WWTR1: variants seen among roughly 807,000 people sequenced by gnomAD.
WWTR1 encodes the protein WW domain containing transcription regulator 1, also known as WW domain-containing transcription regulator protein 1.
WWTR1 carries 13 observed loss-of-function variants against 40.1 expected under a neutral mutation model. The observed-to-expected ratio is 0.32, with a 90% CI of 0.21 to 0.52. The LOEUF (loss-of-function observed/expected upper bound fraction) is 0.52. Ranked by LOEUF, WWTR1 falls within the 20% of genes least tolerant of loss-of-function variation. WWTR1 has a pLI of 0.97. For missense variants in WWTR1, 436 were observed against 523.1 expected (o/e 0.83, Z 1.63); for synonymous variants, 230 against 210.1 (o/e 1.09, Z -0.82).
chr3:149,645,315 G>A (rs1046102873), intron 2 of WWTR1, among the ~76,000 whole-genome samples: 83 of 152,004 alleles, frequency 5.5e-4, no homozygotes, highest in African/African-American at 1.7e-3. Flanking sequence ...TCCTGACCTC[G>A]TGATCTGCCC....
intron 1 of WWTR1, among the ~76,000 whole-genome samples, chr3:149,679,004 T>C (rs1714367164): frequency 6.6e-6 from 1 of 152,086 alleles, no homozygotes; most frequent in Non-Finnish European, 1.5e-5. Flanking sequence ...TAATTTTTTG[T>C]ATTTTTAGTA....
At chr3:149,602,018 A>T (rs112263701) in intron 2 of WWTR1, among the ~76,000 whole-genome samples, 70 of 152,196 alleles carry the variant, frequency 4.6e-4, no homozygotes, top group African/African-American at 1.6e-3. Context: ...CAGATTTTAA[A>T]CTCCTTTTGA....
chr3:149,681,786 T>C (rs1195495949), intron 1 of WWTR1, among the ~76,000 whole-genome samples: 2 of 152,160 alleles, frequency 1.3e-5, no homozygotes, highest in Admixed American at 6.5e-5. Context: ...AGATGAAACT[T>C]AAGGACATTA....
chr3:149,586,418 G>A (rs1738429132), intron 2 of WWTR1, among the ~76,000 whole-genome samples: 1 of 152,146 alleles, frequency 6.6e-6, no homozygotes, highest in Admixed American at 6.6e-5. Flanking sequence ...ATGAAAAAAA[G>A]CTAATATAAA....
chr3:149,623,743 A>AAGCAAACT (rs1221765629), intron 2 of WWTR1, among the ~76,000 whole-genome samples: 2 of 152,146 alleles, frequency 1.3e-5, no homozygotes, highest in East Asian at 3.8e-4. Flanking sequence ...CCGTGTAGAG[A>AAGCAAACT]AGATACAATC....
intron 2 of WWTR1, among the ~76,000 whole-genome samples, chr3:149,595,507 T>C (rs1738957839): frequency 6.6e-6 from 1 of 152,196 alleles, no homozygotes; most frequent in South Asian, 2.1e-4. Context: ...AAAATACTAC[T>C]ATTAAATAAC....
At chr3:149,712,520 A>G (rs1715499237) in intron 5 of WWTR1, among the ~76,000 whole-genome samples, 1 of 152,204 alleles carries the variant, frequency 6.6e-6, no homozygotes, top group Admixed American at 6.5e-5. Flanking sequence ...TATTGATCAC[A>G]CTTTTTCACT....
At chr3:149,573,441 C>G (rs1301666235) in intron 2 of WWTR1, among the ~76,000 whole-genome samples, 3 of 152,108 alleles carry the variant, frequency 2.0e-5, no homozygotes, top group African/African-American at 7.2e-5. Context: ...TAATGAGGAT[C>G]CCTTTGGCTG....
chr3:149,676,949 C>T (rs1481469197), intron 1 of WWTR1, among the ~76,000 whole-genome samples: 2 of 150,948 alleles, frequency 1.3e-5, no homozygotes, highest in Non-Finnish European at 2.9e-5. Context: ...ACGGAGTTTC[C>T]CTCTTGTTAC....
chr3:149,662,604 T>C (rs1302738535), upstream of WWTR1, among the ~76,000 whole-genome samples: 1 of 152,200 alleles, frequency 6.6e-6, no homozygotes, highest in Non-Finnish European at 1.5e-5. Flanking sequence ...TATCTCAAAA[T>C]GCTTGAAGTG....
chr3:149,621,880 T>A (rs2108087180), intron 2 of WWTR1, among the ~76,000 whole-genome samples: 1 of 152,354 alleles, frequency 6.6e-6, no homozygotes, highest in South Asian at 2.1e-4. Flanking sequence ...TTACGTGGTT[T>A]TTCTTTGCCA....
chr3:149,617,554 C>T (rs1218983987), intron 2 of WWTR1, among the ~76,000 whole-genome samples: 1 of 152,186 alleles, frequency 6.6e-6, no homozygotes, highest in Non-Finnish European at 1.5e-5. Flanking sequence ...AATCCCAGCA[C>T]TTTGGGATGC....
chr3:149,616,973 A>AT (rs1282646426), intron 2 of WWTR1, among the ~76,000 whole-genome samples: 2 of 152,176 alleles, frequency 1.3e-5, no homozygotes, highest in African/African-American at 4.8e-5. Flanking sequence ...AGAGAGTCTA[A>AT]TAAGGGGGTT....
chr3:149,523,975 G>A (rs1250426734), intron 6 of WWTR1, among the ~76,000 whole-genome samples: 1 of 152,206 alleles, frequency 6.6e-6, no homozygotes, highest in African/African-American at 2.4e-5. Context: ...AGGTTAACGT[G>A]GCACTCTGAC....
At chr3:149,527,212 T>C (rs113149535) in intron 5 of WWTR1, among the ~76,000 whole-genome samples, 3,215 of 150,190 alleles carry the variant, frequency 0.021, 119 homozygotes, top group African/African-American at 0.075. Flanking sequence ...TGGAGTGCAA[T>C]GGTGCAATCT....
At chr3:149,602,069 C>G (rs1739271060) in intron 2 of WWTR1, among the ~76,000 whole-genome samples, 1 of 152,140 alleles carries the variant, frequency 6.6e-6, no homozygotes, top group African/African-American at 2.4e-5. Context: ...CATTAACAAC[C>G]ACAAACCAGG....
chr3:149,642,719 G>A (rs887476710), intron 2 of WWTR1, among the ~76,000 whole-genome samples: 2 of 151,142 alleles, frequency 1.3e-5, no homozygotes, highest in African/African-American at 4.9e-5. Flanking sequence ...AGCTTGCAGT[G>A]AGCCGAGATC....
chr3:149,596,376 G>A (rs1460106890), intron 2 of WWTR1, among the ~76,000 whole-genome samples: 2 of 152,262 alleles, frequency 1.3e-5, no homozygotes, highest in Admixed American at 1.3e-4. Context: ...ATTAGCCCTG[G>A]CATTTCTAAT....
intron 2 of WWTR1, among the ~76,000 whole-genome samples, chr3:149,645,143 G>T (rs556820401): frequency 6.6e-6 from 1 of 150,884 alleles, no homozygotes; most frequent in African/African-American, 2.4e-5. Flanking sequence ...GCAGTGGCGC[G>T]ATCTCAGCTC....
Sources: gnomAD v4.1 joint callset for allele counts (sites outside exome capture counted in the v4.1 genomes callset) on GRCh38, gnomAD v4.1.1 for gene constraint, MANE v1.5 for transcripts, NCBI Gene and HGNC (gene_info 2026-07-23, HGNC 2026-07-21) for gene names.